The following AGO1 variants were observed in gnomAD, a reference collection of about 807,000 sequenced individuals.
The protein encoded by AGO1 is argonaute RISC component 1.
In AGO1, 11 loss-of-function variants were observed where a neutral mutation model predicts 109.2. The ratio of observed to expected loss-of-function variants is 0.10; its 90% CI spans 0.06 to 0.17. The LOEUF is 0.17. Ranked by LOEUF, AGO1 falls within the 10% of genes least tolerant of loss-of-function variation. AGO1 has a pLI of 1.00. For synonymous variants in AGO1, 422 were observed against 418.6 expected (o/e 1.01, Z -0.10); for missense variants, 574 against 1,140.3 (o/e 0.50, Z 7.15).
chr1:35,878,391 T>A (rs902248207), upstream of AGO1, among the ~76,000 whole-genome samples: 13 of 152,198 alleles, frequency 8.5e-5, no homozygotes, highest in African/African-American at 3.1e-4. Context: ...GGCTCCTTTT[T>A]AATTTTTATA....
intron 12 of AGO1, among the ~76,000 whole-genome samples, chr1:35,907,341 C>T (rs540387647): frequency 6.6e-6 from 1 of 152,216 alleles, no homozygotes; most frequent in African/African-American, 2.4e-5. Flanking sequence ...TACTGGGGTC[C>T]TTTGTGTGCT....
In AGO1 at chr1:35,902,445, ACT is replaced by A. The variant is rs1324953678; in HGVS notation, c.1397+111_1397+112del. ...TTGATCAGTAATGTGTTCTGTCTTG[ACT>A]CTGCCTGCATTGTGCTTTCTGGCTC... On this transcript the variant is annotated intron_variant, in intron 11 of 18. Coordinates refer to ENST00000373204, the MANE Select transcript of AGO1 (RefSeq NM_012199.5). 2.2e-6 allele frequency: 3 copies of A among 1,378,702 alleles called. No individual in the cohort carries two copies. The East Asian group carries it at 7.6e-5, about 35-fold the overall frequency. The allele number at this position is 1,378,702 out of a possible 1,614,324, so 85.4% of individuals were successfully genotyped here. A position where few individuals can be genotyped will look rare whatever the true frequency, so the allele number is the denominator to read the frequency against.
Position 35,901,293 on chromosome 1 carries a change from A to G in AGO1, c.1021-181A>G, listed in dbSNP as rs758807500. Among the ~76,000 whole-genome samples the G allele has an allele frequency of 6.6e-6, 1 of 152,168 alleles. No homozygotes were observed. Among genetic ancestry groups the G allele is most frequent in the East Asian group, 1.9e-4 (1 of 5,180 alleles). On this transcript the variant is annotated intron_variant, in intron 8 of 18. Coordinates refer to ENST00000373204, the MANE Select transcript of AGO1 (RefSeq NM_012199.5). The surrounding 1 kb of genome is among the most constrained non-coding windows in gnomAD (Gnocchi z 4.8). ...GCCTGAATCGCCTTTTACAATGCAC[A>G]CGAATATTTTCTAATTTACCTATCA... is the stretch of plus-strand genomic sequence containing the variant.
chr1:35,883,014 C>G (rs911097798), upstream of AGO1, among the ~76,000 whole-genome samples: 1 of 152,222 alleles, frequency 6.6e-6, no homozygotes, highest in Non-Finnish European at 1.5e-5. This position sits in a 1 kb window ranked among gnomAD's most constrained non-coding sequence, Gnocchi z 5.4. Flanking sequence ...CCCTGCCCCA[C>G]TTATACCACT....
chr1:35,901,033 G>A lies in AGO1; in HGVS notation c.1021-441G>A, dbSNP rs562398978. Among the ~76,000 whole-genome samples, 31 of 149,596 alleles carry A rather than the reference G, an allele frequency of 2.1e-4. No individual in the cohort carries two copies. In the South Asian group the frequency reaches 3.2e-3, roughly 15 times the overall value. On this transcript the variant is annotated intron_variant, in intron 8 of 18. Transcript: ENST00000373204. This position sits in a 1 kb window ranked among gnomAD's most constrained non-coding sequence, Gnocchi z 4.8. ...GTCTCACTCTGTCACCCAGGCTGGC[G>A]TTCAGTGGCGTGATCTGGGCTCACT...
intron 12 of AGO1, among the ~76,000 whole-genome samples, chr1:35,909,904 C>T (rs1315406426): frequency 6.6e-6 from 1 of 152,038 alleles, no homozygotes; most frequent in Non-Finnish European, 1.5e-5. Flanking sequence ...TCTGATTTCC[C>T]TCCATTAAAG....
rs761286237 is a variant in AGO1 at position 35,888,402 on chromosome 1, C to T, written c.26-25C>T. ...TAGTTAGGAGATTGCCAGACTTTAC[C>T]CTCACCAGCCTCTTTGTCTTGTAGC... On this transcript the variant is annotated intron_variant, in intron 1 of 18. Transcript: ENST00000373204. This position sits in a 1 kb window ranked among gnomAD's most constrained non-coding sequence, Gnocchi z 4.1. 2.5e-6 allele frequency: 4 copies of T among 1,611,502 alleles called. No individual in the cohort carries two copies. Among genetic ancestry groups the T allele is most frequent in the Non-Finnish European group, 3.4e-6 (4 of 1,178,510 alleles).
At position 35,883,488 on chromosome 1, in the gene AGO1, C is replaced by T; in HGVS notation, c.25+42C>T. The T allele has an allele frequency of 3.3e-6, 5 of 1,516,230 alleles. No individual in the cohort carries two copies. Among genetic ancestry groups the T allele is most frequent in the Non-Finnish European group, 4.4e-6 (5 of 1,137,530 alleles). 93.9% of individuals were successfully genotyped at this position (1,516,230 alleles called of 1,614,324 possible). ...GGGGGAACGGTGCATGCTCCAAGGA[C>T]TGGGGGATCCCGCATGAAAAGCGTG... On this transcript the variant is annotated intron_variant, in intron 1 of 18. Coordinates refer to ENST00000373204, the MANE Select transcript of AGO1 (RefSeq NM_012199.5). This position sits in a 1 kb window ranked among gnomAD's most constrained non-coding sequence, Gnocchi z 5.4.
chr1:35,914,776 T>G (rs900737170), intron 14 of AGO1, among the ~76,000 whole-genome samples: 3 of 152,212 alleles, frequency 2.0e-5, no homozygotes, highest in African/African-American at 7.2e-5. Context: ...AACCCTCACA[T>G]TTCTGTAAGC....
chr1:35,905,229 C>A (rs1407248134), intron 11 of AGO1, among the ~76,000 whole-genome samples: 1 of 152,082 alleles, frequency 6.6e-6, no homozygotes, highest in Non-Finnish European at 1.5e-5. Context: ...AGCTACATTG[C>A]AGTTGTATAC....
chr1:35,882,485 A>C (rs185167944), upstream of AGO1, among the ~76,000 whole-genome samples: 1 of 152,306 alleles, frequency 6.6e-6, no homozygotes, highest in East Asian at 1.9e-4. This position sits in a 1 kb window ranked among gnomAD's most constrained non-coding sequence, Gnocchi z 5.1. Context: ...TGCTGCAGAG[A>C]AATAATTGAA....
chr1:35,917,649 C>T lies in AGO1; in HGVS notation c.2085C>T (p.Asp695=). ...IRDACIKLEK[D]YQPGITYIVV... ...ATGCCTGCATCAAACTGGAAAAGGA[C>T]TACCAGCCTGGGATCACTTATATTG... is the stretch of plus-strand genomic sequence containing the variant. The change falls in exon 16 of 19, where the codon GAC becomes GAT. Residue 695 remains aspartate (D), a synonymous_variant. Coordinates refer to ENST00000373204, the MANE Select transcript of AGO1 (RefSeq NM_012199.5). 1 of 1,613,976 alleles carries T rather than the reference C, an allele frequency of 6.2e-7. No homozygotes were observed. Among genetic ancestry groups the T allele is most frequent in the Non-Finnish European group, 8.5e-7 (1 of 1,179,858 alleles).
At chr1:35,874,101 A>G (rs1272604560) in intron 1 of AGO1, among the ~76,000 whole-genome samples, 2 of 152,126 alleles carry the variant, frequency 1.3e-5, no homozygotes, top group African/African-American at 4.8e-5. Context: ...TACTATTGCA[A>G]TTGTTTTGGG....
At position 35,894,122 on chromosome 1, in the gene AGO1, C is replaced by G. The variant is rs1010672520; in HGVS notation, c.735C>G (p.Pro245=). The G allele has an allele frequency of 1.3e-6, 2 of 1,589,526 alleles. No homozygotes were observed. Among genetic ancestry groups the G allele is most frequent in the Non-Finnish European group, 1.7e-6 (2 of 1,168,258 alleles). The change falls in exon 6 of 19, where the codon CCC becomes CCG. Residue 245 remains proline (P), a synonymous_variant. Transcript: ENST00000373204. ...ACATCAGGAACATAGATGAGCAGCC[C>G]AAGCCCCTCACGGACTCTCAGCGCG... ...VLDIRNIDEQ[P]KPLTDSQRVR...
chr1:35,883,434 C>CCCTCGGGAGCAGGTAAGGGT lies in AGO1; in HGVS notation c.16_25+10dup. The CCCTCGGGAGCAGGTAAGGGT allele has an allele frequency of 6.4e-7, 1 of 1,570,698 alleles. No individual in the cohort carries two copies. The highest frequency in any genetic ancestry group is 8.6e-7 in the Non-Finnish European group (1 of 1,161,616). ...ACGGGTATATGGGATGGAAGCGGGA[C>CCCTCGGGAGCAGGTAAGGGT]CCTCGGGAGCAGGTAAGGGTCCCCA... On this transcript the variant is annotated frameshift_variant, in exon 1 of 19. Coordinates refer to ENST00000373204, the MANE Select transcript of AGO1 (RefSeq NM_012199.5). LOFTEE classifies it high-confidence loss of function. The surrounding 1 kb of genome is among the most constrained non-coding windows in gnomAD (Gnocchi z 5.4).
intron 11 of AGO1, among the ~76,000 whole-genome samples, chr1:35,903,027 A>G (rs1291663064): frequency 7.0e-6 from 1 of 141,852 alleles, no homozygotes; most frequent in Non-Finnish European, 1.5e-5. Context: ...TTTTTTTAAG[A>G]CAGAGTCTTG....
intron 1 of AGO1, among the ~76,000 whole-genome samples, chr1:35,885,622 C>A: frequency 6.6e-6 from 1 of 152,184 alleles, no homozygotes; most frequent in Non-Finnish European, 1.5e-5. Flanking sequence ...GTGTAAAAAA[C>A]AACAACAAAA....
In AGO1 at chr1:35,901,826, T is replaced by C; in HGVS notation, c.1141-122T>C. ...CTTCCCTCATCTTCCACTTTCTCTC[T>C]CTTTTTAGGACTATTCCGTACCAAC... On this transcript the variant is annotated intron_variant, in intron 9 of 18. Coordinates refer to ENST00000373204, the MANE Select transcript of AGO1 (RefSeq NM_012199.5). The surrounding 1 kb of genome is among the most constrained non-coding windows in gnomAD (Gnocchi z 4.8). 1 of 1,419,138 alleles carries C rather than the reference T, an allele frequency of 7.0e-7. No homozygotes were observed. The highest frequency in any genetic ancestry group is 9.5e-7 in the Non-Finnish European group (1 of 1,047,152). 87.9% of individuals were successfully genotyped at this position (1,419,138 alleles called of 1,614,324 possible).
intron 11 of AGO1, among the ~76,000 whole-genome samples, chr1:35,905,718 A>G (rs1022547920): frequency 2.0e-5 from 3 of 152,008 alleles, no homozygotes; most frequent in Non-Finnish European, 4.4e-5. Flanking sequence ...TGATCCGCCC[A>G]CCCTGGCCTC....
Sources: gnomAD v4.1 joint callset for allele counts (sites outside exome capture counted in the v4.1 genomes callset) on GRCh38, gnomAD v4.1.1 for gene constraint, Gnocchi (gnomAD v3.1) non-coding constraint, MANE v1.5 for transcripts, NCBI Gene and HGNC (gene_info 2026-07-23, HGNC 2026-07-21) for gene names.